Variants in TEKT5 observed in about 807,000 individuals in gnomAD.
The protein encoded by TEKT5 is tektin 5.
In TEKT5, 52 loss-of-function variants were observed where a neutral mutation model predicts 48.7. The ratio of observed to expected loss-of-function variants is 1.07; its 90% CI spans 0.86 to 1.35. TEKT5 has a LOEUF of 1.35. TEKT5 is among the 40% of genes most tolerant of loss of function. The pLI is 0.00. For missense variants in TEKT5, 831 were observed against 641.6 expected (o/e 1.30, Z -3.19); for synonymous variants, 318 against 267.6 (o/e 1.19, Z -1.84).
In TEKT5 at chr16:10,694,446, T is replaced by C; in HGVS notation, c.428A>G (p.Gln143Arg). The C allele has an allele frequency of 6.2e-7, 1 of 1,614,194 alleles. No homozygotes were observed. The stretch of plus-strand genomic sequence containing the variant: ...CCAGAAGCCAATGTCCGACAGCCTC[T>C]GGCCCAGGTTCCGGCAGGTGCCCTC... ...MQEGTCRNLGQRLSDIGFWKS... is the reference protein window; with the variant it reads ...MQEGTCRNLGRRLSDIGFWKS... The change falls in exon 1 of 7, where the codon CAG (glutamine) becomes CGG (arginine). Residue 143 changes from glutamine to arginine, a missense_variant. Transcript: ENST00000283025.
rs541495967 is a variant in TEKT5, at chr16:10,646,663, T to C, written c.1087-10745A>G. Reference sequence around the variant, plus strand: ...TAAGAAAAAATCCAGGAAAAATAGATAGCAGTTTGCTCCCTAAAGAGGACA... The same window carrying C: ...TAAGAAAAAATCCAGGAAAAATAGACAGCAGTTTGCTCCCTAAAGAGGACA... On this transcript the variant is annotated intron_variant, in intron 5 of 6. Transcript: ENST00000283025. 7.9e-5 allele frequency among the ~76,000 whole-genome samples: 12 copies of C among 152,268 alleles called. No individual in the cohort carries two copies. The East Asian group carries it at 2.1e-3, about 27-fold the overall frequency.
Position 10,627,772 on chromosome 16 carries a change from G to A in TEKT5, c.1269C>T (p.Asp423=), listed in dbSNP as rs371945085. The change falls in exon 7 of 7, where the codon GAC becomes GAT. Residue 423 remains aspartate (D), a synonymous_variant. Coordinates refer to ENST00000283025, the MANE Select transcript of TEKT5 (RefSeq NM_144674.2). ...LKLVNEVFTI[D]DTLQTLKLRL... ...GCAGCTTGAGGGTCTGCAGGGTGTC[G>A]TCGATGGTGAACACCTCGTTCACCA... The A allele has an allele frequency of 2.9e-5, 47 of 1,614,172 alleles. No individual in the cohort carries two copies. The African/African-American group carries it at 4.1e-4, about 14-fold the overall frequency.
chr16:10,654,527 G>A (rs1686083351), intron 5 of TEKT5, among the ~76,000 whole-genome samples: 2 of 152,166 alleles, frequency 1.3e-5, no homozygotes, highest in African/African-American at 4.8e-5. Flanking sequence ...AACGTAGGCA[G>A]GCATCACCCA....
intron 5 of TEKT5, among the ~76,000 whole-genome samples, chr16:10,648,910 G>A (rs2719756): frequency 6.6e-6 from 1 of 152,108 alleles, no homozygotes. Flanking sequence ...TGATGGTTTT[G>A]CATTTATTGA....
intron 2 of TEKT5, 151 bp downstream of exon 2, chr16:10,689,791 A>C: frequency 1.4e-6 from 1 of 693,246 alleles, no homozygotes; most frequent in Non-Finnish European, 2.4e-6. Context: ...CTAAATTGCA[A>C]ACTAGACCTC....
chr16:10,641,628 T>C (rs1439595514), intron 5 of TEKT5, among the ~76,000 whole-genome samples: 1 of 152,040 alleles, frequency 6.6e-6, no homozygotes, highest in Non-Finnish European at 1.5e-5. Flanking sequence ...GAGACCAGAC[T>C]GGGGCAACAT....
At chr16:10,671,558 T>G (rs561194843) in intron 5 of TEKT5, among the ~76,000 whole-genome samples, 1 of 152,340 alleles carries the variant, frequency 6.6e-6, no homozygotes, top group Admixed American at 6.5e-5. Context: ...ACTGTATGAT[T>G]CCACTTATAT....
At chr16:10,682,238 G>A (rs2142308714) in intron 3 of TEKT5, 102 bp from the exon 4 acceptor site, 1 of 1,390,496 alleles carries the variant, frequency 7.2e-7, no homozygotes, top group South Asian at 1.5e-5. Context: ...CTCCCAGAAA[G>A]CCACCCAGTA....
At chr16:10,655,695 G>A (rs139269131) in intron 5 of TEKT5, among the ~76,000 whole-genome samples, 108 of 152,276 alleles carry the variant, frequency 7.1e-4, no homozygotes, top group African/African-American at 2.5e-3. Flanking sequence ...AAAGGGGGTG[G>A]TTGTACCCTT....
chr16:10,654,427 T>A (rs370505740), intron 5 of TEKT5, among the ~76,000 whole-genome samples: 1 of 152,208 alleles, frequency 6.6e-6, no homozygotes, highest in East Asian at 1.9e-4. Flanking sequence ...GACAGCCAGA[T>A]AGCTGGTAAA....
chr16:10,660,689 GTGTGTGTGTGTGTGT>G (rs1567230470), intron 5 of TEKT5, among the ~76,000 whole-genome samples: 1 of 150,202 alleles, frequency 6.7e-6, no homozygotes, highest in African/African-American at 2.5e-5. Flanking sequence ...GTGTGTGTGT[GTGTGTGTGTGTGTGT>G]TATTTATTTA....
intron 4 of TEKT5, among the ~76,000 whole-genome samples, chr16:10,680,626 T>C (rs113271493): frequency 0.07 from 10,689 of 151,828 alleles, 1,151 homozygotes; most frequent in African/African-American, 0.24. Flanking sequence ...CCAACGATGA[T>C]AGACTGGATT....
intron 5 of TEKT5, among the ~76,000 whole-genome samples, chr16:10,661,990 T>C (rs995292233): frequency 1.3e-5 from 2 of 152,208 alleles, no homozygotes; most frequent in Non-Finnish European, 2.9e-5. Flanking sequence ...TACCCTACCA[T>C]CTGCCTAGCC....
chr16:10,676,365 C>T (rs1240073398), intron 4 of TEKT5, among the ~76,000 whole-genome samples, 184 bp from the exon 5 acceptor site: 4 of 152,188 alleles, frequency 2.6e-5, no homozygotes, highest in African/African-American at 9.7e-5. Flanking sequence ...TCCCCAACCA[C>T]CCCGTTGTGA....
At chr16:10,665,265 G>A (rs183992391) in intron 5 of TEKT5, among the ~76,000 whole-genome samples, 1 of 152,266 alleles carries the variant, frequency 6.6e-6, no homozygotes, top group African/African-American at 2.4e-5. Context: ...AGATGACACC[G>A]CAACCCTCTG....
intron 5 of TEKT5, among the ~76,000 whole-genome samples, chr16:10,674,617 G>GAAAAAAAAAAAAAAAA (rs57583870): frequency 1.3e-5 from 1 of 74,746 alleles, no homozygotes; most frequent in Non-Finnish European, 2.4e-5. Flanking sequence ...GATCATCTCA[G>GAAAAAAAAAAAAAAAA]AAAAAAAAAA....
intron 5 of TEKT5, among the ~76,000 whole-genome samples, chr16:10,645,988 G>A (rs1898063513): frequency 6.6e-6 from 1 of 151,734 alleles, no homozygotes; most frequent in Non-Finnish European, 1.5e-5. Flanking sequence ...AGAAAAACTG[G>A]CCAGGCATAT....
chr16:10,692,615 C>T (rs1898999524), intron 1 of TEKT5: 1 of 152,200 alleles, frequency 6.6e-6, no homozygotes, highest in Admixed American at 6.5e-5. Flanking sequence ...CCTTTGCATC[C>T]AGGGTCCATG....
At chr16:10,654,991 A>T (rs4780317) in intron 5 of TEKT5, among the ~76,000 whole-genome samples, 136,059 of 136,506 alleles carry the variant, frequency 1, 67,808 homozygotes, top group East Asian at 1. Context: ...GGGATCATTG[A>T]TTTTTTTGTT....
Sources: allele counts gnomAD v4.1 joint callset (sites outside exome capture counted in the v4.1 genomes callset), GRCh38; gene constraint gnomAD v4.1.1; transcripts MANE v1.5; gene names NCBI Gene and HGNC (gene_info 2026-07-23, HGNC 2026-07-21).